Variants in CDH13 observed in about 807,000 individuals in gnomAD.
CDH13 encodes the protein cadherin-13.
CDH13 carries 24 observed loss-of-function variants against 63.8 expected under a neutral mutation model. The observed-to-expected ratio is 0.38, with a 90% confidence interval of 0.27 to 0.53. CDH13 has a LOEUF of 0.53. Among genes scored for constraint, CDH13 ranks in the 20% least tolerant of loss-of-function variants. The pLI, the probability that CDH13 is intolerant of heterozygous loss-of-function variation, is 0.85. For synonymous variants in CDH13, 503 were observed against 355.3 expected (o/e 1.42, Z -4.67); for missense variants, 1,049 against 903.1 (o/e 1.16, Z -2.07).
chr16:83,435,365 C>T (rs78667405), intron 6 of CDH13, among the ~76,000 whole-genome samples: 5 of 152,100 alleles, frequency 3.3e-5, no homozygotes, highest in East Asian at 3.9e-4. Context: ...ATATTTTTAA[C>T]GGTGTAGGCA....
intron 1 of CDH13, among the ~76,000 whole-genome samples, chr16:82,724,856 G>A (rs16958347): frequency 0.25 from 37,339 of 152,086 alleles, 5,425 homozygotes; most frequent in East Asian, 0.68. Flanking sequence ...TACACCCTCA[G>A]TCTTCCAGTT....
At chr16:83,260,045 A>C (rs1906771838) in intron 5 of CDH13, among the ~76,000 whole-genome samples, 1 of 141,016 alleles carries the variant, frequency 7.1e-6, no homozygotes, top group Non-Finnish European at 1.5e-5. Flanking sequence ...ACTTTTTGGC[A>C]GGTTCTCACA....
intron 6 of CDH13, among the ~76,000 whole-genome samples, chr16:83,454,665 G>T (rs978915863): frequency 1.3e-5 from 2 of 151,904 alleles, no homozygotes; most frequent in Admixed American, 6.6e-5. Context: ...TTTAGCTGTA[G>T]AAACTGTGTT....
chr16:82,742,853 A>G (rs186942620), intron 1 of CDH13, among the ~76,000 whole-genome samples: 32 of 152,326 alleles, frequency 2.1e-4, no homozygotes, highest in African/African-American at 4.1e-4. Context: ...TCAAAAATAT[A>G]CTGAAAATCC....
chr16:83,307,440 A>T (rs761378853), intron 5 of CDH13, among the ~76,000 whole-genome samples: 1 of 152,194 alleles, frequency 6.6e-6, no homozygotes, highest in Non-Finnish European at 1.5e-5. Context: ...ATGTTCCAGA[A>T]TTCCTCTAAG....
At chr16:82,830,385 T>C (rs775025288) in intron 1 of CDH13, among the ~76,000 whole-genome samples, 3 of 152,248 alleles carry the variant, frequency 2.0e-5, no homozygotes, top group Non-Finnish European at 4.4e-5. Flanking sequence ...ATCTTTTCTC[T>C]CCTGAGATTC....
rs1047533889 is a variant in CDH13 at position 83,797,651 on chromosome 16, A to C, written c.*2621A>C. The stretch of plus-strand genomic sequence containing the variant: ...TACTGAAAACCATAGTAGAATCAAA[A>C]TGTTATTTCATTATTACCTATGCAT... On this transcript the variant is annotated 3_prime_UTR_variant, in exon 14 of 14. Coordinates refer to ENST00000567109, the MANE Select transcript of CDH13 (RefSeq NM_001257.5). 1.3e-5 allele frequency: 2 copies of C among 152,348 alleles called. No homozygotes were observed. Among genetic ancestry groups the C allele is most frequent in the African/African-American group, 4.8e-5 (2 of 41,584 alleles). The allele number at this position is 152,348 out of a possible 1,614,324, so 9.4% of individuals were successfully genotyped here.
intron 5 of CDH13, among the ~76,000 whole-genome samples, chr16:83,261,703 C>G (rs1286193927): frequency 7.6e-6 from 1 of 131,404 alleles, no homozygotes; most frequent in Non-Finnish European, 1.7e-5. Flanking sequence ...CTTTATTTTC[C>G]TCTTTTTTTT....
At chr16:83,316,639 C>T (rs1247387215) in intron 5 of CDH13, among the ~76,000 whole-genome samples, 1 of 152,144 alleles carries the variant, frequency 6.6e-6, no homozygotes. Context: ...TGAGATGCGT[C>T]ACAGGCAGCT....
chr16:82,825,089 T>C (rs1371444819), intron 1 of CDH13: 1 of 152,192 alleles, frequency 6.6e-6, no homozygotes, highest in Non-Finnish European at 1.5e-5. Flanking sequence ...GAGCGATGGA[T>C]ACAGAGAAGT....
intron 3 of CDH13, among the ~76,000 whole-genome samples, chr16:83,032,754 A>C (rs931194920): frequency 2.0e-5 from 3 of 152,192 alleles, no homozygotes; most frequent in Non-Finnish European, 2.9e-5. Context: ...CGTCTCGGTC[A>C]CATTTCTTTT....
intron 1 of CDH13, among the ~76,000 whole-genome samples, chr16:82,638,399 T>G (rs546562003): frequency 2.6e-5 from 4 of 152,198 alleles, no homozygotes; most frequent in Admixed American, 6.5e-5. Flanking sequence ...ATTTCCCTCC[T>G]TTTCTGTTTT....
chr16:83,024,670 A>G (rs1442354589), intron 2 of CDH13, among the ~76,000 whole-genome samples: 1 of 152,208 alleles, frequency 6.6e-6, no homozygotes, highest in African/African-American at 2.4e-5. Flanking sequence ...ATTTATTGCA[A>G]TCATTAGTGT....
Position 82,627,109 on chromosome 16 carries a change from C to A in CDH13, c.17C>A (p.Pro6Gln), listed in dbSNP as rs773985332. 6.2e-7 allele frequency: 1 copy of A among 1,606,020 alleles called. No individual in the cohort carries two copies. Among genetic ancestry groups the A allele is most frequent in the Admixed American group, 1.7e-5 (1 of 59,120 alleles). Residue 6 changes from proline to glutamine, a missense_variant, in exon 1 of 14, where the codon CCG (proline) becomes CAG (glutamine). Transcript: ENST00000567109. MQPRTPLVLCVLLSQV... is the reference protein window; with the variant it reads MQPRTQLVLCVLLSQV... ...TCGGACAAAATGCAGCCGAGAACTC[C>A]GCTCGTTCTGTGCGTTCTCCTGTCC...
intron 7 of CDH13, among the ~76,000 whole-genome samples, chr16:83,530,683 T>G (rs568828423): frequency 6.6e-6 from 1 of 152,322 alleles, no homozygotes; most frequent in South Asian, 2.1e-4. Flanking sequence ...ATTCATCTCA[T>G]TAACTTCCTT....
chr16:83,308,067 G>C (rs1203661992), intron 5 of CDH13, among the ~76,000 whole-genome samples: 1 of 152,134 alleles, frequency 6.6e-6, no homozygotes, highest in East Asian at 1.9e-4. Flanking sequence ...AATTGTAAAA[G>C]CTCTAAAATA....
At chr16:83,526,991 G>C (rs1045289644) in intron 7 of CDH13, among the ~76,000 whole-genome samples, 1 of 152,026 alleles carries the variant, frequency 6.6e-6, no homozygotes, top group Non-Finnish European at 1.5e-5. Flanking sequence ...AATTAGGCAG[G>C]CGTGGTGGTG....
chr16:83,129,376 GCAAGA>G (rs1024156479), intron 4 of CDH13, among the ~76,000 whole-genome samples: 4 of 152,182 alleles, frequency 2.6e-5, no homozygotes, highest in African/African-American at 4.8e-5. Flanking sequence ...GAAGTGGACC[GCAAGA>G]CAAGAATTCA....
intron 4 of CDH13, among the ~76,000 whole-genome samples, chr16:83,125,864 T>C (rs1157796861): frequency 1.3e-5 from 2 of 152,106 alleles, no homozygotes; most frequent in African/African-American, 4.8e-5. Context: ...TTCACTGAGA[T>C]CCTGTTTTTC....
Sources: gnomAD v4.1 joint callset for allele counts (sites outside exome capture counted in the v4.1 genomes callset) on GRCh38, gnomAD v4.1.1 for gene constraint, MANE v1.5 for transcripts, NCBI Gene and HGNC (gene_info 2026-07-23, HGNC 2026-07-21) for gene names.